DNAH9: variants seen among roughly 807,000 people sequenced by gnomAD.
DNAH9 encodes DNAH9 variant protein.
A neutral mutation model predicts 471.6 loss-of-function variants in DNAH9; 345 were observed. The ratio of observed to expected loss-of-function variants is 0.73; its 90% confidence interval spans 0.67 to 0.80. DNAH9 has a LOEUF of 0.80. Among genes scored for constraint, DNAH9 ranks in the 30% least tolerant of loss-of-function variants. The pLI is 0.00. For synonymous variants in DNAH9, 2,093 were observed against 2,123.6 expected, an observed-to-expected ratio of 0.99 and a Z score of 0.40; for missense variants, 5,407 against 5,609.2, an observed-to-expected ratio of 0.96 and a Z score of 1.15.
At chr17:11,642,436 C>T (rs1490974115) in intron 10 of DNAH9, among the ~76,000 whole-genome samples, 1 of 151,890 alleles carries the variant, frequency 6.6e-6, no homozygotes, top group Non-Finnish European at 1.5e-5. Flanking sequence ...CCTGTAATCC[C>T]AGCTACTCAG....
Position 11,762,770 on chromosome 17 carries a change from G to GTTGTT in DNAH9, c.6996-668_6996-667insGTTTT, listed in dbSNP as rs1967746481. Among the ~76,000 whole-genome samples the GTTGTT allele has an allele frequency of 2.8e-4, 25 of 90,746 alleles. 1 individual carries two copies. The highest frequency in any genetic ancestry group is 4.8e-4 in the Non-Finnish European group (22 of 45,776). The allele number at this position is 90,746 out of a possible 152,430, so 59.5% of individuals were successfully genotyped here. A position where few individuals can be genotyped will look rare whatever the true frequency, so the allele number is the denominator to read the frequency against. On this transcript the variant is annotated intron_variant, in intron 35 of 68. Transcript: ENST00000262442. ...CCTCTTTAGGTGCGTTTTTTTTTTT[G>GTTGTT]TTTTTTTTTTTTTTTTTTTTTTTTT...
chr17:11,894,347 A>G, intron 58 of DNAH9, 27 bp from the exon 59 acceptor site: 3 of 1,611,982 alleles, frequency 1.9e-6, no homozygotes, highest in Admixed American at 3.3e-5. Flanking sequence ...AGCTAAAGAA[A>G]TGCAGTATCA....
chr17:11,780,075 G>C (rs563264018), intron 38 of DNAH9, among the ~76,000 whole-genome samples: 142 of 152,300 alleles, frequency 9.3e-4, no homozygotes, highest in Middle Eastern at 6.8e-3. Flanking sequence ...AAAAAGTACA[G>C]ATATCTCCAC....
At chr17:11,740,985 T>TTG (rs58950133) in intron 29 of DNAH9, among the ~76,000 whole-genome samples, 144,512 of 152,180 alleles carry the variant, frequency 0.95, 69,032 homozygotes, top group East Asian at 1. Context: ...TAATGTTTCT[T>TTG]TGTCATTATA....
At chr17:11,749,103 G>C (rs1238979016) in intron 32 of DNAH9, among the ~76,000 whole-genome samples, 1 of 45,068 alleles carries the variant, frequency 2.2e-5, no homozygotes, top group Admixed American at 3.0e-4. Context: ...TTTTTTTTTT[G>C]AGACAGAGAC....
At position 11,762,781 on chromosome 17, in the gene DNAH9, T is replaced by TG. The variant is rs1390291201; in HGVS notation, c.6996-659_6996-658insG. Among the ~76,000 whole-genome samples the TG allele has an allele frequency of 1.8e-4, 24 of 131,634 alleles. 1 individual carries two copies. The highest frequency in any genetic ancestry group is 1.8e-3 in the East Asian group (8 of 4,536). The allele number at this position is 131,634 out of a possible 152,430, so 86.4% of individuals were successfully genotyped here. A position where few individuals can be genotyped will look rare whatever the true frequency, so the allele number is the denominator to read the frequency against. The stretch of plus-strand genomic sequence containing the variant: ...GCGTTTTTTTTTTTGTTTTTTTTTT[T>TG]TTTTTTTTTTTTTTTTGAGATGGAG... On this transcript the variant is annotated intron_variant, in intron 35 of 68. Coordinates refer to ENST00000262442, the MANE Select transcript of DNAH9 (RefSeq NM_001372.4).
intron 38 of DNAH9, among the ~76,000 whole-genome samples, chr17:11,778,344 A>G (rs1281379549): frequency 1.0e-3 from 137 of 135,376 alleles, no homozygotes; most frequent in African/African-American, 3.8e-3. Context: ...AAAAAAAAAA[A>G]AAAAAAAAAA....
chr17:11,779,433 T>C (rs969946161), intron 38 of DNAH9, among the ~76,000 whole-genome samples: 5 of 152,152 alleles, frequency 3.3e-5, no homozygotes, highest in Non-Finnish European at 5.9e-5. Context: ...GGATCAACAA[T>C]GTGCCTGTCT....
At chr17:11,774,882 C>T (rs890855549) in intron 38 of DNAH9, among the ~76,000 whole-genome samples, 1 of 152,162 alleles carries the variant, frequency 6.6e-6, no homozygotes, top group Non-Finnish European at 1.5e-5. Context: ...AATCGACATA[C>T]AATAAACTGT....
At chr17:11,634,638 T>C (rs2073126764) in intron 8 of DNAH9, among the ~76,000 whole-genome samples, 1 of 152,208 alleles carries the variant, frequency 6.6e-6, no homozygotes, top group Non-Finnish European at 1.5e-5. Flanking sequence ...TGGGTGATTG[T>C]TTTGTGAAAG....
intron 65 of DNAH9, among the ~76,000 whole-genome samples, chr17:11,935,213 C>T (rs145488503): frequency 0.01 from 1,539 of 151,006 alleles, 23 homozygotes; most frequent in African/African-American, 0.035. Flanking sequence ...CCACCTGCCT[C>T]GGCCTCCCAA....
rs1312138054 is a variant in DNAH9, at chr17:11,905,771, C to A, written c.11711C>A (p.Ser3904Tyr). The A allele has an allele frequency of 6.2e-7, 1 of 1,613,848 alleles. No homozygotes were observed. The highest frequency in any genetic ancestry group is 1.3e-5 in the African/African-American group (1 of 74,920). Reference sequence around the variant, plus strand: ...GCCACTCCTATGTTTTTCATCCTGTCTCCAGGGGTGGACCCACTGAAGGAT... The same window carrying A: ...GCCACTCCTATGTTTTTCATCCTGTATCCAGGGGTGGACCCACTGAAGGAT... ...GPATPMFFIL[S>Y]PGVDPLKDVE... Residue 3904 changes from serine (S) to tyrosine (Y), a missense_variant, in exon 61 of 69, where the codon TCT becomes TAT. Transcript: ENST00000262442.
At chr17:11,903,920 AG>A in intron 60 of DNAH9, among the ~76,000 whole-genome samples, 1 of 146,394 alleles carries the variant, frequency 6.8e-6, no homozygotes, top group Admixed American at 6.8e-5. Flanking sequence ...TAAAAAAGAA[AG>A]AAGGAAGGAA....
chr17:11,785,043 A>T (rs1344571723), intron 41 of DNAH9, among the ~76,000 whole-genome samples: 1 of 152,100 alleles, frequency 6.6e-6, no homozygotes, highest in Non-Finnish European at 1.5e-5. Flanking sequence ...TAAAATTCCC[A>T]GGTTCATTTC....
chr17:11,876,029 T>C (rs56331035), intron 53 of DNAH9, among the ~76,000 whole-genome samples: 22,820 of 152,042 alleles, frequency 0.15, 1,767 homozygotes, highest in South Asian at 0.2. Flanking sequence ...AATCAACTGG[T>C]TAATAACCAG....
At chr17:11,958,836 G>A (rs1378667250) in intron 67 of DNAH9, among the ~76,000 whole-genome samples, 1 of 151,968 alleles carries the variant, frequency 6.6e-6, no homozygotes, top group African/African-American at 2.4e-5. Context: ...ATGAGCAAAT[G>A]ACAGATCAGC....
At chr17:11,946,334 C>T (rs910464161) in intron 67 of DNAH9, among the ~76,000 whole-genome samples, 1 of 151,112 alleles carries the variant, frequency 6.6e-6, no homozygotes, top group Non-Finnish European at 1.5e-5. Flanking sequence ...GAAGCATAGA[C>T]AAAAAGCCTG....
At chr17:11,659,864 T>C (rs545480623) in intron 14 of DNAH9, among the ~76,000 whole-genome samples, 2 of 152,338 alleles carry the variant, frequency 1.3e-5, no homozygotes, top group East Asian at 3.9e-4. Context: ...TCTCATTCCT[T>C]TGATTCTGCT....
At chr17:11,761,649 G>A (rs532568412) in intron 35 of DNAH9, among the ~76,000 whole-genome samples, 2 of 152,016 alleles carry the variant, frequency 1.3e-5, no homozygotes, top group Non-Finnish European at 2.9e-5. Flanking sequence ...AGCACAGGCT[G>A]CCCCTGCAAG....
Sources: gnomAD v4.1 joint callset for allele counts (sites outside exome capture counted in the v4.1 genomes callset) on GRCh38, gnomAD v4.1.1 for gene constraint, MANE v1.5 for transcripts, NCBI Gene and HGNC (gene_info 2026-07-23, HGNC 2026-07-21) for gene names.